KLF8: variants seen among roughly 807,000 people sequenced by gnomAD.
KLF8 encodes the protein Krueppel-like factor 8.
In KLF8, 10 loss-of-function variants were observed where a neutral mutation model predicts 18.2. The ratio of observed to expected loss-of-function variants is 0.55; its 90% CI spans 0.34 to 0.93. The LOEUF (loss-of-function observed/expected upper bound fraction) is 0.93, where lower values mean the gene tolerates loss of function less well. KLF8 is among the 40% of genes least tolerant of loss of function. The pLI is 0.02. For synonymous variants in KLF8, 109 were observed against 97.3 expected (o/e 1.12, Z -0.71); for missense variants, 264 against 277.9 (o/e 0.95, Z 0.36).
chrX:56,142,922 T>C, the KLF8 span, among the ~76,000 whole-genome samples: 1 of 112,167 alleles, frequency 8.9e-6, no homozygotes, highest in Admixed American at 9.5e-5. Context: ...TCTGGATTAA[T>C]GCAATAGCTG....
chrX:55,944,994 T>C, the KLF8 span, among the ~76,000 whole-genome samples: 2 of 111,504 alleles, frequency 1.8e-5, no homozygotes, highest in African/African-American at 6.5e-5. Flanking sequence ...CTCTACACAC[T>C]GCTTTGTATG....
the KLF8 span, among the ~76,000 whole-genome samples, chrX:55,998,757 A>G: frequency 1.4e-3 from 152 of 104,950 alleles, no homozygotes; most frequent in Non-Finnish European, 2.1e-3. Context: ...TGTTGAATGT[A>G]TATTTTGTGA....
chrX:55,957,698 T>C, the KLF8 span, among the ~76,000 whole-genome samples: 1 of 112,145 alleles, frequency 8.9e-6, no homozygotes, highest in Admixed American at 9.5e-5. Flanking sequence ...AGATTATTCA[T>C]TGTTAATTGC....
the KLF8 span, among the ~76,000 whole-genome samples, chrX:56,128,314 T>C: frequency 5.4e-5 from 6 of 111,769 alleles, no homozygotes; most frequent in African/African-American, 2.0e-4. Flanking sequence ...CCTTTAGGCC[T>C]GGTTTATGTT....
the KLF8 span, among the ~76,000 whole-genome samples, chrX:56,149,978 C>T: frequency 3.1e-4 from 35 of 111,749 alleles, no homozygotes; most frequent in Non-Finnish European, 5.3e-4. Context: ...TCATGTAATT[C>T]AAAAGATGTA....
chrX:56,257,333 C>G (rs2066811700), intron 2 of KLF8, among the ~76,000 whole-genome samples: 1 of 111,710 alleles, frequency 9.0e-6, no homozygotes, highest in African/African-American at 3.3e-5. Context: ...GTCTATAGTG[C>G]AGATTAAGTC....
At chrX:56,113,554 G>GTTT in the KLF8 span, among the ~76,000 whole-genome samples, 3,189 of 34,588 alleles carry the variant, frequency 0.092, 322 homozygotes, top group Non-Finnish European at 0.12. Flanking sequence ...GGCAGGGATA[G>GTTT]TTTTTTTTTT....
the KLF8 span, among the ~76,000 whole-genome samples, chrX:56,159,578 C>A: frequency 8.9e-6 from 1 of 111,959 alleles, no homozygotes; most frequent in East Asian, 2.8e-4. Flanking sequence ...TGTTATTGGT[C>A]CATTCAGAGA....
the KLF8 span, among the ~76,000 whole-genome samples, chrX:55,986,841 C>A: frequency 2.7e-5 from 3 of 111,721 alleles, no homozygotes; most frequent in Non-Finnish European, 5.6e-5. Context: ...TGATCCTCAT[C>A]TTCTCCCAGC....
At chrX:55,969,785 A>T in the KLF8 span, among the ~76,000 whole-genome samples, 19 of 111,902 alleles carry the variant, frequency 1.7e-4, no homozygotes, top group East Asian at 4.7e-3. Flanking sequence ...AAATCCAAAG[A>T]AACATTACAG....
the KLF8 span, among the ~76,000 whole-genome samples, chrX:56,155,894 G>C: frequency 9.0e-6 from 1 of 111,467 alleles, no homozygotes; most frequent in Non-Finnish European, 1.9e-5. Context: ...CTACTTATAA[G>C]TGAGAACATG....
chrX:56,178,573 A>T, the KLF8 span, among the ~76,000 whole-genome samples: 1 of 112,434 alleles, frequency 8.9e-6, no homozygotes, highest in South Asian at 3.7e-4. Flanking sequence ...CTATGCCCTG[A>T]ATGGAATTGG....
chrX:56,234,879 A>G (rs2066454389), intron 1 of KLF8, among the ~76,000 whole-genome samples: 1 of 112,121 alleles, frequency 8.9e-6, no homozygotes, highest in Admixed American at 9.4e-5. Context: ...AGACAGGCAG[A>G]AAACATAGGA....
At chrX:56,003,795 G>C in the KLF8 span, among the ~76,000 whole-genome samples, 1 of 111,661 alleles carries the variant, frequency 9.0e-6, no homozygotes, top group Admixed American at 9.5e-5. Context: ...CTATTGTTTT[G>C]CTTATCATGG....
At chrX:56,076,994 T>A in the KLF8 span, among the ~76,000 whole-genome samples, 1 of 111,942 alleles carries the variant, frequency 8.9e-6, no homozygotes, top group Non-Finnish European at 1.9e-5. Flanking sequence ...GGTTGTTTGT[T>A]TTTTTCTTGT....
At chrX:56,250,210 T>TG in intron 1 of KLF8, 21 bp from the exon 2 acceptor site, 1 of 1,155,627 alleles carries the variant, frequency 8.7e-7, no homozygotes, top group Non-Finnish European at 1.2e-6. Context: ...GAAAGTTGTC[T>TG]TTTCCTTTTC....
the KLF8 span, among the ~76,000 whole-genome samples, chrX:56,068,801 T>C: frequency 9.0e-6 from 1 of 111,519 alleles, no homozygotes; most frequent in Non-Finnish European, 1.9e-5. Context: ...CAGCTTCATG[T>C]TGTCCCATGA....
the KLF8 span, among the ~76,000 whole-genome samples, chrX:56,050,104 G>A: frequency 2.7e-4 from 30 of 109,617 alleles, no homozygotes; most frequent in African/African-American, 8.3e-4. Context: ...CTGTGGGATC[G>A]GTGGTGATAT....
the KLF8 span, among the ~76,000 whole-genome samples, chrX:56,169,477 C>T: frequency 9.0e-6 from 1 of 110,595 alleles, no homozygotes; most frequent in African/African-American, 3.3e-5. Flanking sequence ...GAGCCCACTG[C>T]CCTGAAAGGT....
Sources: gnomAD v4.1 joint callset for allele counts (sites outside exome capture counted in the v4.1 genomes callset) on GRCh38, gnomAD v4.1.1 for gene constraint, MANE v1.5 for transcripts, NCBI Gene and HGNC (gene_info 2026-07-23, HGNC 2026-07-21) for gene names.